Variants in WDR7 observed in about 807,000 individuals in gnomAD.
WDR7 encodes the protein WD repeat domain 7, also known as WD repeat-containing protein 7.
WDR7 carries 46 observed loss-of-function variants against 169.4 expected under a neutral mutation model. The observed-to-expected ratio is 0.27, with a 90% CI of 0.21 to 0.35. The LOEUF is 0.35. Among genes scored for constraint, WDR7 ranks in the 10% least tolerant of loss-of-function variants. The probability of loss-of-function intolerance (pLI) is 1.00; values close to 1 mark genes in which losing one functional copy is unlikely to be tolerated. For missense variants in WDR7, 1,534 were observed against 1,859.3 expected, an observed-to-expected ratio of 0.83 and a Z score of 3.22; for synonymous variants, 612 against 666.8, an observed-to-expected ratio of 0.92 and a Z score of 1.27.
intron 27 of WDR7, among the ~76,000 whole-genome samples, chr18:57,023,151 A>G (rs761695869): frequency 1.3e-5 from 2 of 152,372 alleles, no homozygotes; most frequent in East Asian, 3.9e-4. Flanking sequence ...GGAAAATGCA[A>G]TGAAATCTCT....
chr18:56,811,643 G>A (rs538804479), intron 19 of WDR7, among the ~76,000 whole-genome samples: 1 of 152,034 alleles, frequency 6.6e-6, no homozygotes, highest in South Asian at 2.1e-4. Context: ...TCTACTTTGA[G>A]TTACTATTTA....
At chr18:56,893,387 A>G (rs1363661131) in intron 21 of WDR7, among the ~76,000 whole-genome samples, 1 of 152,084 alleles carries the variant, frequency 6.6e-6, no homozygotes, top group Non-Finnish European at 1.5e-5. Context: ...AGGACCATGA[A>G]CATCTAGTGT....
At chr18:56,982,111 G>T (rs764629412) in intron 26 of WDR7, among the ~76,000 whole-genome samples, 1 of 152,086 alleles carries the variant, frequency 6.6e-6, no homozygotes, top group Non-Finnish European at 1.5e-5. Flanking sequence ...GGGCATTAAG[G>T]TCTGTGCTGA....
At chr18:56,974,781 C>T (rs1210896252) in intron 26 of WDR7, among the ~76,000 whole-genome samples, 1 of 152,112 alleles carries the variant, frequency 6.6e-6, no homozygotes, top group Non-Finnish European at 1.5e-5. Flanking sequence ...CAAAAGGGAA[C>T]GACTACCTGG....
At chr18:56,675,237 A>G (rs894916354) in intron 2 of WDR7, among the ~76,000 whole-genome samples, 2 of 152,104 alleles carry the variant, frequency 1.3e-5, no homozygotes, top group South Asian at 2.1e-4. Context: ...CAGCTTGTCA[A>G]TTTCTACAAA....
chr18:56,780,272 CTTA>C (rs75861953), intron 18 of WDR7, among the ~76,000 whole-genome samples: 4,069 of 152,064 alleles, frequency 0.027, 242 homozygotes, highest in East Asian at 0.2. Context: ...AAAGATTTTC[CTTA>C]TTATGGCATT....
intron 22 of WDR7, among the ~76,000 whole-genome samples, chr18:56,924,552 C>T (rs1203990140): frequency 6.6e-6 from 1 of 152,104 alleles, no homozygotes; most frequent in Non-Finnish European, 1.5e-5. Context: ...AGTAAAGGAC[C>T]AGCCATGAGG....
At chr18:56,920,047 C>G (rs370462153) in intron 21 of WDR7, among the ~76,000 whole-genome samples, 2 of 151,988 alleles carry the variant, frequency 1.3e-5, no homozygotes, top group Non-Finnish European at 2.9e-5. Context: ...TTCATCCCCC[C>G]GCCCTCTTCT....
chr18:57,022,036 A>G (rs1430540468), intron 27 of WDR7, among the ~76,000 whole-genome samples: 1 of 152,224 alleles, frequency 6.6e-6, no homozygotes, highest in Non-Finnish European at 1.5e-5. Context: ...CTTCCAGAAT[A>G]TATCTCCAGC....
chr18:57,021,391 A>ACG lies in WDR7; in HGVS notation c.4269+543_4269+544insGC, dbSNP rs1325039299. ...TTCACACTTGGTCCCTGGGTCTGTGACTCTAACAGGGTGTAGGGCATAGGA... is the reference window on the plus strand; with the variant it reads ...TTCACACTTGGTCCCTGGGTCTGTGACGCTCTAACAGGGTGTAGGGCATAGGA... On this transcript the variant is annotated intron_variant, in intron 27 of 27. Transcript: ENST00000254442. Among the ~76,000 whole-genome samples, 252 of 152,100 alleles carry ACG rather than the reference A, an allele frequency of 1.7e-3. No homozygotes were observed. In the South Asian group the frequency reaches 0.023, roughly 14 times the overall value.
chr18:56,669,154 C>T (rs2025081225), intron 1 of WDR7, among the ~76,000 whole-genome samples: 1 of 151,922 alleles, frequency 6.6e-6, no homozygotes, highest in South Asian at 2.1e-4. Flanking sequence ...TTTTGTTGCT[C>T]TTGTTGACTG....
At chr18:56,786,485 C>T (rs1446847977) in intron 19 of WDR7, among the ~76,000 whole-genome samples, 4 of 151,334 alleles carry the variant, frequency 2.6e-5, no homozygotes, top group African/African-American at 9.7e-5. Context: ...GCCAAGATCG[C>T]GCCACTGCAC....
At chr18:56,964,298 C>T in intron 26 of WDR7, among the ~76,000 whole-genome samples, 1 of 149,110 alleles carries the variant, frequency 6.7e-6, no homozygotes, top group African/African-American at 2.5e-5. Context: ...GACATTCTTT[C>T]TTAACAAGAA....
At chr18:56,947,781 C>T (rs980020807) in intron 25 of WDR7, among the ~76,000 whole-genome samples, 5 of 152,152 alleles carry the variant, frequency 3.3e-5, no homozygotes, top group African/African-American at 9.7e-5. Flanking sequence ...GCTACTGAGT[C>T]CAGAGAAAAG....
intron 21 of WDR7, among the ~76,000 whole-genome samples, chr18:56,907,840 A>G (rs2046500358): frequency 6.6e-6 from 1 of 152,094 alleles, no homozygotes; most frequent in Non-Finnish European, 1.5e-5. Context: ...ATTAGTGCCC[A>G]GGACCCCCAC....
intron 26 of WDR7, among the ~76,000 whole-genome samples, chr18:56,967,633 A>G (rs1202959627): frequency 2.0e-5 from 3 of 152,140 alleles, no homozygotes; most frequent in Non-Finnish European, 4.4e-5. Context: ...TCTTTGTAAT[A>G]ACTGCTCGCT....
intron 19 of WDR7, among the ~76,000 whole-genome samples, chr18:56,798,780 TGATA>T (rs1490204469): frequency 6.6e-6 from 1 of 152,210 alleles, no homozygotes; most frequent in African/African-American, 2.4e-5. Context: ...ATAGACTTTT[TGATA>T]GATACTGAGA....
At chr18:56,943,409 CCTCT>C (rs1424246280) in intron 25 of WDR7, among the ~76,000 whole-genome samples, 2 of 151,578 alleles carry the variant, frequency 1.3e-5, no homozygotes, top group African/African-American at 4.9e-5. Flanking sequence ...CTTAGACTAA[CCTCT>C]TTAATGTTGC....
At position 56,866,148 on chromosome 18, in the gene WDR7, C is replaced by A. The variant is rs567806318; in HGVS notation, c.3305-13796C>A. Among the ~76,000 whole-genome samples, 60 of 152,216 alleles carry A rather than the reference C, an allele frequency of 3.9e-4. 1 individual carries two copies. The South Asian group carries it at 0.012, about 29-fold the overall frequency. On this transcript the variant is annotated intron_variant, in intron 20 of 27. Coordinates refer to ENST00000254442, the MANE Select transcript of WDR7 (RefSeq NM_015285.3). The stretch of plus-strand genomic sequence containing the variant: ...TCTGTTTGTGCCCTTCACCTTGTGG[C>A]TTGAACACTTCACATACTTAACTTT...
Sources: gnomAD v4.1 joint callset for allele counts (sites outside exome capture counted in the v4.1 genomes callset) on GRCh38, gnomAD v4.1.1 for gene constraint, MANE v1.5 for transcripts, NCBI Gene and HGNC (gene_info 2026-07-23, HGNC 2026-07-21) for gene names.